The following PPP3CA variants were observed in gnomAD, a reference collection of about 807,000 sequenced individuals.
PPP3CA encodes protein phosphatase 3 catalytic subunit alpha.
Under a neutral mutation model 66.5 loss-of-function variants are expected in PPP3CA, and 14 were observed. The ratio of observed to expected loss-of-function variants is 0.21; its 90% CI spans 0.14 to 0.33. PPP3CA has a LOEUF of 0.33. Ranked by LOEUF, PPP3CA falls within the 10% of genes least tolerant of loss-of-function variation. PPP3CA has a pLI of 1.00. For missense variants in PPP3CA, 317 were observed against 639.5 expected, an observed-to-expected ratio of 0.50 and a Z score of 5.44; for synonymous variants, 232 against 226.2, an observed-to-expected ratio of 1.03 and a Z score of -0.23.
At chr4:101,033,502 C>CTT (rs998882259) in intron 11 of PPP3CA, among the ~76,000 whole-genome samples, 2 of 152,292 alleles carry the variant, frequency 1.3e-5, no homozygotes, top group East Asian at 1.9e-4. Flanking sequence ...AGGGATCACT[C>CTT]TTTAACTCTT....
intron 8 of PPP3CA, among the ~76,000 whole-genome samples, chr4:101,070,503 A>C (rs1478062448): frequency 6.6e-6 from 1 of 152,210 alleles, no homozygotes; most frequent in Non-Finnish European, 1.5e-5. Flanking sequence ...GAACTTGGGC[A>C]AATATTTCTC....
chr4:101,041,698 T>C (rs1487174412), intron 10 of PPP3CA, among the ~76,000 whole-genome samples: 1 of 152,114 alleles, frequency 6.6e-6, no homozygotes, highest in Non-Finnish European at 1.5e-5. Context: ...CCTCCCAAAG[T>C]GCTGGGATTA....
chr4:101,179,906 A>G (rs1302857631), intron 2 of PPP3CA, among the ~76,000 whole-genome samples: 1 of 152,122 alleles, frequency 6.6e-6, no homozygotes, highest in Non-Finnish European at 1.5e-5. Context: ...TCAGGTCTAC[A>G]TTCAAATACA....
intron 1 of PPP3CA, among the ~76,000 whole-genome samples, chr4:101,302,149 AT>A (rs1318479571): frequency 1.3e-5 from 2 of 152,202 alleles, no homozygotes; most frequent in Non-Finnish European, 2.9e-5. Context: ...AGAGCACTAG[AT>A]TTAGAGTAAT....
chr4:101,105,800 T>C (rs890775390), intron 3 of PPP3CA, among the ~76,000 whole-genome samples: 1 of 152,060 alleles, frequency 6.6e-6, no homozygotes, highest in East Asian at 1.9e-4. Context: ...TCACAAATGT[T>C]ATAATAAAAA....
chr4:101,307,564 T>C (rs921856627), intron 1 of PPP3CA, among the ~76,000 whole-genome samples: 2 of 152,166 alleles, frequency 1.3e-5, no homozygotes, highest in African/African-American at 4.8e-5. Context: ...TTATCTTGAT[T>C]ATGTAACAAA....
At chr4:101,069,971 A>G (rs1392980226) in intron 8 of PPP3CA, among the ~76,000 whole-genome samples, 1 of 152,148 alleles carries the variant, frequency 6.6e-6, no homozygotes, top group African/African-American at 2.4e-5. Flanking sequence ...TAAGTTTTTG[A>G]TGAATCAAAA....
At chr4:101,191,213 C>A (rs1229485046) in intron 2 of PPP3CA, among the ~76,000 whole-genome samples, 1 of 152,142 alleles carries the variant, frequency 6.6e-6, no homozygotes. Context: ...CAGAACTCAG[C>A]AATCTGTATT....
chr4:101,305,977 GA>G (rs1728524152), intron 1 of PPP3CA, among the ~76,000 whole-genome samples: 2 of 151,858 alleles, frequency 1.3e-5, no homozygotes, highest in Admixed American at 1.3e-4. Context: ...TGAAGTAGGA[GA>G]TTTTTTTTTT....
At chr4:101,313,283 T>G (rs558828234) in intron 1 of PPP3CA, among the ~76,000 whole-genome samples, 8 of 152,144 alleles carry the variant, frequency 5.3e-5, no homozygotes, top group Admixed American at 3.3e-4. Context: ...TACCTCAGCA[T>G]CCCAAAGTGC....
intron 1 of PPP3CA, among the ~76,000 whole-genome samples, chr4:101,253,425 C>T (rs1311724406): frequency 6.6e-6 from 1 of 152,048 alleles, no homozygotes; most frequent in Non-Finnish European, 1.5e-5. Context: ...CTAAGAGTCA[C>T]CTTCTTTCTT....
At chr4:101,227,053 A>G (rs551611037) in intron 1 of PPP3CA, among the ~76,000 whole-genome samples, 1 of 151,896 alleles carries the variant, frequency 6.6e-6, no homozygotes, top group African/African-American at 2.4e-5. Context: ...ATGTGGCTCT[A>G]TTGATAGGTT....
chr4:101,066,465 T>C (rs1443732957), intron 8 of PPP3CA, among the ~76,000 whole-genome samples: 1 of 152,030 alleles, frequency 6.6e-6, no homozygotes, highest in Admixed American at 6.6e-5. Context: ...TCATCACTAA[T>C]GCAAAAAATA....
intron 10 of PPP3CA, among the ~76,000 whole-genome samples, chr4:101,047,981 C>T (rs1014002992): frequency 6.6e-6 from 1 of 152,062 alleles, no homozygotes; most frequent in African/African-American, 2.4e-5. Context: ...TATTGGAATG[C>T]ATCTCTTTAA....
chr4:101,028,527 T>C (rs2110202257), intron 13 of PPP3CA, among the ~76,000 whole-genome samples: 1 of 152,312 alleles, frequency 6.6e-6, no homozygotes, highest in East Asian at 1.9e-4. Flanking sequence ...GCTATTCTTG[T>C]TATCGGCCAC....
chr4:101,151,875 C>T (rs1017463482), intron 2 of PPP3CA, among the ~76,000 whole-genome samples: 4 of 151,904 alleles, frequency 2.6e-5, no homozygotes, highest in Non-Finnish European at 5.9e-5. Context: ...CCAGGATGAT[C>T]TTGATCTCCT....
chr4:101,173,760 T>G (rs1723961337), intron 2 of PPP3CA, among the ~76,000 whole-genome samples: 1 of 152,160 alleles, frequency 6.6e-6, no homozygotes, highest in Non-Finnish European at 1.5e-5. Context: ...AAATATTTCA[T>G]TAAGAAAAAA....
At chr4:101,065,234 A>G (rs1031024136) in intron 8 of PPP3CA, among the ~76,000 whole-genome samples, 9 of 152,048 alleles carry the variant, frequency 5.9e-5, no homozygotes, top group Non-Finnish European at 1.2e-4. Flanking sequence ...AAAAAGGTGA[A>G]GTATTTCCCA....
At chr4:101,222,280 A>G (rs868643021) in intron 1 of PPP3CA, among the ~76,000 whole-genome samples, 8 of 151,630 alleles carry the variant, frequency 5.3e-5, no homozygotes, top group East Asian at 1.9e-4. Context: ...TTTCAAATAT[A>G]TATGTGAGAA....
Sources: allele counts gnomAD v4.1 joint callset (sites outside exome capture counted in the v4.1 genomes callset), GRCh38; gene constraint gnomAD v4.1.1; transcripts MANE v1.5; gene names NCBI Gene and HGNC (gene_info 2026-07-23, HGNC 2026-07-21).